TMEM131: variants seen among roughly 807,000 people sequenced by gnomAD.
TMEM131 encodes the protein transmembrane protein 131, also known as 2610524E03Rik.
A neutral mutation model predicts 211.6 loss-of-function variants in TMEM131; 66 were observed. That is an observed-to-expected ratio of 0.31 (90% CI 0.26 to 0.38). The LOEUF (loss-of-function observed/expected upper bound fraction) is 0.38. Ranked by LOEUF, TMEM131 falls within the 10% of genes least tolerant of loss-of-function variation. TMEM131 has a pLI of 1.00. For synonymous variants in TMEM131, 844 were observed against 841.3 expected (o/e 1.00, Z -0.06); for missense variants, 2,036 against 2,299.3 (o/e 0.89, Z 2.34).
intron 4 of TMEM131, among the ~76,000 whole-genome samples, chr2:97,860,221 A>C (rs564699310): frequency 1.3e-5 from 2 of 152,194 alleles, no homozygotes; most frequent in Admixed American, 1.3e-4. Context: ...GTTCCTTCCT[A>C]ATCTCACATG....
At chr2:97,943,530 T>C (rs769727853) in intron 1 of TMEM131, among the ~76,000 whole-genome samples, 4 of 152,164 alleles carry the variant, frequency 2.6e-5, no homozygotes, top group African/African-American at 4.8e-5. Flanking sequence ...AAGACCTAAA[T>C]AGAAAGATAT....
intron 1 of TMEM131, among the ~76,000 whole-genome samples, chr2:97,982,018 GT>G (rs1443956830): frequency 2.6e-5 from 4 of 152,254 alleles, no homozygotes; most frequent in Non-Finnish European, 5.9e-5. Flanking sequence ...TTATGTGCAA[GT>G]TTTTGTGTTT....
chr2:97,884,664 CATA>C (rs1675068723), intron 4 of TMEM131, among the ~76,000 whole-genome samples: 1 of 152,184 alleles, frequency 6.6e-6, no homozygotes, highest in South Asian at 2.1e-4. Context: ...CCCTTTATCT[CATA>C]ATGTCCTTCT....
At chr2:97,908,786 G>T in intron 2 of TMEM131, 88 bp from the exon 3 acceptor site, 1 of 1,140,860 alleles carries the variant, frequency 8.8e-7, no homozygotes, top group Non-Finnish European at 1.3e-6. Context: ...TTCTATTTTA[G>T]TTTCAACATT....
intron 2 of TMEM131, among the ~76,000 whole-genome samples, chr2:97,921,408 G>A (rs1265928298): frequency 6.6e-6 from 1 of 152,050 alleles, no homozygotes; most frequent in East Asian, 1.9e-4. Flanking sequence ...CTAGAATACG[G>A]GAGAATATCT....
At chr2:97,977,477 A>G (rs1679592808) in intron 1 of TMEM131, among the ~76,000 whole-genome samples, 2 of 152,216 alleles carry the variant, frequency 1.3e-5, no homozygotes, top group Admixed American at 1.3e-4. Flanking sequence ...TGCCTCAGAG[A>G]TATTGCCAGG....
At chr2:97,958,760 C>A (rs1341549683) in intron 1 of TMEM131, among the ~76,000 whole-genome samples, 1 of 152,204 alleles carries the variant, frequency 6.6e-6, no homozygotes, top group Non-Finnish European at 1.5e-5. Flanking sequence ...AATGCTGAAG[C>A]AGGCAGTTCC....
rs753067280 is a variant in TMEM131 at position 97,796,848 on chromosome 2, T to C, written c.3009A>G (p.Thr1003=). 6 of 1,613,204 alleles carry C rather than the reference T, an allele frequency of 3.7e-6. No homozygotes were observed. Among genetic ancestry groups the C allele is most frequent in the South Asian group, 2.2e-5 (2 of 90,826 alleles). ...KITEALLKDC[T]DSLKLREPNF... is the part of the protein sequence containing the mutation. ...GAAACTGTTAGGAAGACTTACTATC[T>C]GTACAATCTTTTAACAATGCTTCCG... Residue 1003 remains threonine (T), a synonymous_variant, in exon 27 of 41, where the codon ACA becomes ACG. Coordinates refer to ENST00000186436, the MANE Select transcript of TMEM131 (RefSeq NM_015348.2).
intron 35 of TMEM131, chr2:97,765,272 G>A (rs547125439): frequency 2.0e-5 from 3 of 152,338 alleles, no homozygotes; most frequent in East Asian, 1.9e-4. Flanking sequence ...TACACATTCC[G>A]GCGAGAGCGT....
chr2:97,813,859 T>C, intron 15 of TMEM131, 112 bp downstream of exon 15: 4 of 867,388 alleles, frequency 4.6e-6, no homozygotes, highest in Non-Finnish European at 6.7e-6. Flanking sequence ...ATTAGATCAA[T>C]TTGCAGAGCA....
chr2:97,914,390 G>T (rs1048914845), intron 2 of TMEM131, among the ~76,000 whole-genome samples: 1 of 152,134 alleles, frequency 6.6e-6, no homozygotes, highest in Non-Finnish European at 1.5e-5. Flanking sequence ...TCTCAGTTTT[G>T]TATGTCCTCA....
intron 11 of TMEM131, chr2:97,827,180 A>C (rs1682436385): frequency 3.1e-6 from 2 of 636,884 alleles, no homozygotes; most frequent in Non-Finnish European, 5.8e-6. Context: ...AAGGCAGCCC[A>C]GTTTCGTGAA....
intron 2 of TMEM131, among the ~76,000 whole-genome samples, chr2:97,920,168 T>TCTC (rs1676682121): frequency 6.6e-6 from 1 of 152,214 alleles, no homozygotes; most frequent in Non-Finnish European, 1.5e-5. Flanking sequence ...AGTCTGAGAC[T>TCTC]CTCCTTGCCC....
chr2:97,798,457 C>T (rs1049586840), intron 25 of TMEM131, among the ~76,000 whole-genome samples: 1 of 152,248 alleles, frequency 6.6e-6, no homozygotes, highest in African/African-American at 2.4e-5. Context: ...AGAGATCTAG[C>T]TACTTGCTTC....
chr2:97,804,768 C>CT (rs1313944608), intron 22 of TMEM131, among the ~76,000 whole-genome samples: 1 of 151,768 alleles, frequency 6.6e-6, no homozygotes, highest in African/African-American at 2.4e-5. Flanking sequence ...AGGTAAAAAA[C>CT]TTTCTTTCCT....
intron 4 of TMEM131, among the ~76,000 whole-genome samples, chr2:97,863,952 T>A (rs188337377): frequency 6.6e-6 from 1 of 152,294 alleles, no homozygotes; most frequent in East Asian, 1.9e-4. Context: ...CTATTCACAA[T>A]AGCCGAGATT....
intron 4 of TMEM131, among the ~76,000 whole-genome samples, chr2:97,865,344 T>C (rs1181405528): frequency 2.0e-5 from 3 of 152,222 alleles, no homozygotes; most frequent in African/African-American, 7.2e-5. Flanking sequence ...CAGGAATAGA[T>C]CTCCTTGTGT....
chr2:97,758,941 G>A lies in TMEM131; in HGVS notation c.5319C>T (p.Pro1773=). 1.9e-6 allele frequency: 3 copies of A among 1,614,012 alleles called. No homozygotes were observed. Among genetic ancestry groups the A allele is most frequent in the Admixed American group, 1.7e-5 (1 of 60,034 alleles). Residue 1773 remains proline (P), a synonymous_variant, in exon 40 of 41, where the codon CCC becomes CCT. Coordinates refer to ENST00000186436, the MANE Select transcript of TMEM131 (RefSeq NM_015348.2). The part of the protein sequence containing the change: ...SYLWESPATD[P]SPSWPASSGS... ...CGGAACTGGCTGGCCAGGAAGGACTGGGATCTGTCGCTGGCGACTCCCAAA... is the reference window on the plus strand; with the variant it reads ...CGGAACTGGCTGGCCAGGAAGGACTAGGATCTGTCGCTGGCGACTCCCAAA...
At position 97,837,177 on chromosome 2, in the gene TMEM131, G is replaced by T; in HGVS notation, c.724-20C>A. 6.4e-7 allele frequency: 1 copy of T among 1,564,530 alleles called. No homozygotes were observed. The highest frequency in any genetic ancestry group is 1.4e-5 in the African/African-American group (1 of 72,262). On this transcript the variant is annotated intron_variant, in intron 7 of 40. Coordinates refer to ENST00000186436, the MANE Select transcript of TMEM131 (RefSeq NM_015348.2). Reference sequence around the variant, plus strand: ...TACAACCTGGGGCAAAAGAGCACATGATGGCTACGTTCAAAGTCATATTCT... The same window carrying T: ...TACAACCTGGGGCAAAAGAGCACATTATGGCTACGTTCAAAGTCATATTCT...
Sources: allele counts gnomAD v4.1 joint callset (sites outside exome capture counted in the v4.1 genomes callset), GRCh38; gene constraint gnomAD v4.1.1; transcripts MANE v1.5; gene names NCBI Gene and HGNC (gene_info 2026-07-23, HGNC 2026-07-21).